The following DLG2 variants were observed in gnomAD, a reference collection of about 807,000 sequenced individuals.
The protein encoded by DLG2 is disks large homolog 2.
In DLG2, 45 loss-of-function variants were observed where a neutral mutation model predicts 132.5. The observed-to-expected ratio is 0.34, with a 90% CI of 0.27 to 0.44. DLG2 has a LOEUF of 0.44. DLG2 is among the 20% of genes least tolerant of loss of function. The pLI, the probability that DLG2 is intolerant of heterozygous loss-of-function variation, is 1.00. For missense variants in DLG2, 1,045 were observed against 1,196.9 expected, an observed-to-expected ratio of 0.87 and a Z score of 1.87; for synonymous variants, 424 against 419.6, an observed-to-expected ratio of 1.01 and a Z score of -0.13.
intron 3 of DLG2, among the ~76,000 whole-genome samples, chr11:85,357,234 CTCTT>C (rs1680767733): frequency 8.0e-6 from 1 of 124,266 alleles, no homozygotes; most frequent in Admixed American, 8.7e-5. Flanking sequence ...TTTCAATATC[CTCTT>C]TGTGTGTGTG....
At chr11:83,634,443 G>A (rs1387152769) in intron 18 of DLG2, among the ~76,000 whole-genome samples, 1 of 151,936 alleles carries the variant, frequency 6.6e-6, no homozygotes, top group African/African-American at 2.4e-5. Context: ...ACAATGTCTT[G>A]CTTTAGAAAA....
intron 5 of DLG2, 87 bp downstream of exon 5, chr11:85,154,469 C>T (rs904554208): frequency 5.7e-5 from 38 of 670,546 alleles, no homozygotes; most frequent in East Asian, 1.2e-4. Context: ...TCTTTTCTTT[C>T]TTTAACACTA....
intron 6 of DLG2, among the ~76,000 whole-genome samples, chr11:84,694,157 G>A (rs1216190009): frequency 6.6e-6 from 1 of 151,580 alleles, no homozygotes; most frequent in Non-Finnish European, 1.5e-5. Flanking sequence ...TTAGCAGGTG[G>A]AGAAGGGAAG....
intron 8 of DLG2, among the ~76,000 whole-genome samples, chr11:84,227,895 C>A (rs1484903541): frequency 2.4e-5 from 3 of 125,522 alleles, no homozygotes; most frequent in Admixed American, 1.0e-4. Context: ...GCCTGGGCGA[C>A]AGAGTGAGAC....
chr11:84,146,886 CCT>C (rs2095105209), intron 9 of DLG2, among the ~76,000 whole-genome samples: 1 of 151,600 alleles, frequency 6.6e-6, no homozygotes, highest in Non-Finnish European at 1.5e-5. Context: ...TCCTTCTTTC[CCT>C]CTCTCTCATC....
At chr11:85,046,174 TA>T (rs1424829967) in intron 6 of DLG2, among the ~76,000 whole-genome samples, 3 of 152,048 alleles carry the variant, frequency 2.0e-5, no homozygotes, top group Non-Finnish European at 2.9e-5. Context: ...AAGCGCAACC[TA>T]ATTCCCTCTA....
intron 2 of DLG2, among the ~76,000 whole-genome samples, chr11:85,619,828 C>T (rs1046014329): frequency 2.7e-5 from 4 of 150,486 alleles, no homozygotes; most frequent in South Asian, 4.2e-4. Context: ...AGCAAAACTC[C>T]GTCTCAAAAA....
At position 84,153,948 on chromosome 11, in the gene DLG2, C is replaced by T. The variant is rs149695638; in HGVS notation, c.624+9513G>A. ...TGCACTGATTCTTTCTCACCTGAGACGGCTGCATTCCTTTATCTTACATTG... is the reference window on the plus strand; with the variant it reads ...TGCACTGATTCTTTCTCACCTGAGATGGCTGCATTCCTTTATCTTACATTG... On this transcript the variant is annotated intron_variant, in intron 9 of 27. Coordinates refer to ENST00000376104, the MANE Select transcript of DLG2 (RefSeq NM_001142699.3). 3.3e-3 allele frequency among the ~76,000 whole-genome samples: 510 copies of T among 152,288 alleles called. 3 individuals are homozygous for T. The highest frequency in any genetic ancestry group is 0.011 in the African/African-American group (459 of 41,578).
At chr11:84,197,100 G>C (rs1473659554) in intron 8 of DLG2, among the ~76,000 whole-genome samples, 2 of 147,170 alleles carry the variant, frequency 1.4e-5, no homozygotes, top group Non-Finnish European at 3.0e-5. Flanking sequence ...TTGAAATAAT[G>C]ATCATTCCAA....
intron 10 of DLG2, among the ~76,000 whole-genome samples, chr11:84,076,533 A>G (rs907332405): frequency 3.9e-5 from 6 of 152,238 alleles, no homozygotes; most frequent in African/African-American, 1.4e-4. Flanking sequence ...ACAGCAGATA[A>G]CAGAAACAAA....
chr11:84,848,343 A>C (rs2081755121), intron 6 of DLG2, among the ~76,000 whole-genome samples: 1 of 151,836 alleles, frequency 6.6e-6, no homozygotes, highest in South Asian at 2.1e-4. Context: ...AAAATACAAA[A>C]ATTAGCCAGG....
intron 3 of DLG2, among the ~76,000 whole-genome samples, chr11:85,414,765 A>C (rs971410366): frequency 6.6e-6 from 1 of 151,900 alleles, no homozygotes; most frequent in African/African-American, 2.4e-5. Flanking sequence ...TTGTTTTATA[A>C]ATTGGGTAGC....
intron 9 of DLG2, among the ~76,000 whole-genome samples, chr11:84,109,759 C>T (rs2093227787): frequency 6.6e-6 from 1 of 152,128 alleles, no homozygotes; most frequent in African/African-American, 2.4e-5. Context: ...AATGACATCT[C>T]TGCTTGTGTT....
intron 6 of DLG2, among the ~76,000 whole-genome samples, chr11:84,554,258 G>A (rs2099407490): frequency 6.6e-6 from 1 of 152,096 alleles, no homozygotes; most frequent in Non-Finnish European, 1.5e-5. Context: ...TTCCCAAATG[G>A]GGCAGTTTTT....
chr11:84,893,148 C>T (rs2089670355), intron 6 of DLG2, among the ~76,000 whole-genome samples: 1 of 152,112 alleles, frequency 6.6e-6, no homozygotes, highest in South Asian at 2.1e-4. Flanking sequence ...TTCCTCTGTT[C>T]ACATACTTTA....
chr11:85,251,906 A>G (rs1375762134), intron 4 of DLG2, among the ~76,000 whole-genome samples: 3 of 152,138 alleles, frequency 2.0e-5, no homozygotes, highest in East Asian at 3.9e-4. Context: ...CTAATTTTGT[A>G]TTGGTAATTT....
intron 6 of DLG2, among the ~76,000 whole-genome samples, chr11:84,920,830 G>T (rs938402830): frequency 1.3e-5 from 2 of 151,710 alleles, no homozygotes; most frequent in Admixed American, 6.6e-5. Flanking sequence ...TTTTATAAAG[G>T]TCCTATTAAC....
chr11:84,940,535 G>A lies in DLG2; in HGVS notation c.357+171126C>T, dbSNP rs1342152760. Among the ~76,000 whole-genome samples, 3 of 152,194 alleles carry A rather than the reference G, an allele frequency of 2.0e-5. No individual in the cohort carries two copies. In the South Asian group the frequency reaches 6.2e-4, roughly 31 times the overall value. Reference sequence around the variant, plus strand: ...ATTTGTGTGTCTTCTTTTGAGAAATGTGTATTGAGATCTTTTGCCCATTTT... The same window carrying A: ...ATTTGTGTGTCTTCTTTTGAGAAATATGTATTGAGATCTTTTGCCCATTTT... On this transcript the variant is annotated intron_variant, in intron 6 of 27. Coordinates refer to ENST00000376104, the MANE Select transcript of DLG2 (RefSeq NM_001142699.3).
intron 20 of DLG2, among the ~76,000 whole-genome samples, chr11:83,537,702 C>G (rs1393745771): frequency 2.0e-5 from 3 of 150,114 alleles, no homozygotes; most frequent in African/African-American, 7.4e-5. Flanking sequence ...GTAATCCCAG[C>G]TACTCAGGAG....
Sources: allele counts gnomAD v4.1 joint callset (sites outside exome capture counted in the v4.1 genomes callset), GRCh38; gene constraint gnomAD v4.1.1; transcripts MANE v1.5; gene names NCBI Gene and HGNC (gene_info 2026-07-23, HGNC 2026-07-21).